Variants in MRAS observed in about 807,000 individuals in gnomAD.
MRAS encodes muscle RAS oncogene homolog, also known as ras-related protein M-Ras.
A neutral mutation model predicts 20.9 loss-of-function variants in MRAS; 4 were observed. That is an observed-to-expected ratio of 0.19 (90% confidence interval 0.09 to 0.44). The LOEUF is 0.44. Among genes scored for constraint, MRAS ranks in the 20% least tolerant of loss-of-function variants. The pLI is 0.99. For missense variants in MRAS, 154 were observed against 277.5 expected, an observed-to-expected ratio of 0.56 and a Z score of 3.16; for synonymous variants, 98 against 102.9, an observed-to-expected ratio of 0.95 and a Z score of 0.29.
intron 4 of MRAS, 33 bp downstream of exon 4, chr3:138,398,601 G>A (rs1448261097): frequency 8.8e-6 from 14 of 1,595,874 alleles, no homozygotes; most frequent in Non-Finnish European, 1.1e-5. Context: ...AGGGGGTCAG[G>A]AGATGTGTAA....
rs374084868 is a variant in MRAS at position 138,380,778 on chromosome 3, C to CT, written c.193+7712dup. On this transcript the variant is annotated intron_variant, in intron 2 of 5. Coordinates refer to ENST00000423968, the MANE Select transcript of MRAS (RefSeq NM_001085049.3). The stretch of plus-strand genomic sequence containing the variant: ...TTCTGAATTTCTTTCCTTTTTTTTT[C>CT]TTTTTTTTTTGAGACGGTGTCTCGC... Among the ~76,000 whole-genome samples, 1,411 of 145,630 alleles carry CT rather than the reference C, an allele frequency of 9.7e-3. 15 individuals carry two copies. Among genetic ancestry groups the CT allele is most frequent in the African/African-American group, 0.034 (1,336 of 39,634 alleles).
In MRAS at chr3:138,353,962, A is replaced by G. The variant is rs555787919; in HGVS notation, c.-19+5195A>G. On this transcript the variant is annotated intron_variant, in intron 1 of 5. Coordinates refer to ENST00000423968, the MANE Select transcript of MRAS (RefSeq NM_001085049.3). ...TCCGTTAGACCGTGCTGTTCCCAGCACTGGGTGACCAAAAATGTCATGATC... is the reference window on the plus strand; with the variant it reads ...TCCGTTAGACCGTGCTGTTCCCAGCGCTGGGTGACCAAAAATGTCATGATC... Among the ~76,000 whole-genome samples the G allele has an allele frequency of 1.2e-4, 18 of 152,294 alleles. No homozygotes were observed. In the East Asian group the frequency reaches 3.3e-3, roughly 28 times the overall value.
intron 2 of MRAS, among the ~76,000 whole-genome samples, chr3:138,383,779 A>G (rs1372822128): frequency 1.3e-5 from 2 of 152,208 alleles, no homozygotes; most frequent in Non-Finnish European, 2.9e-5. Flanking sequence ...CCCTGCTCTC[A>G]TGAAGCTTAT....
chr3:138,355,222 A>G (rs1228341120), intron 1 of MRAS, among the ~76,000 whole-genome samples: 1 of 152,184 alleles, frequency 6.6e-6, no homozygotes, highest in Non-Finnish European at 1.5e-5. Flanking sequence ...GGTGCCTGGT[A>G]CTGGGTCCTT....
intron 1 of MRAS, among the ~76,000 whole-genome samples, chr3:138,359,872 G>A (rs1355530410): frequency 6.6e-6 from 1 of 152,238 alleles, no homozygotes; most frequent in Non-Finnish European, 1.5e-5. Flanking sequence ...GGTACAGAGT[G>A]TTGATTTATT....
rs932331393 is a variant in MRAS, at chr3:138,350,934, C to G, written c.-19+2167C>G. ...CTCCAGCTTGGGTGACAGAGCAAGACCCTGTCTCAAAAAAAAAAAAAAAAA... is the reference window on the plus strand; with the variant it reads ...CTCCAGCTTGGGTGACAGAGCAAGAGCCTGTCTCAAAAAAAAAAAAAAAAA... On this transcript the variant is annotated intron_variant, in intron 1 of 5. Transcript: ENST00000423968. 1.7e-4 allele frequency among the ~76,000 whole-genome samples: 24 copies of G among 141,728 alleles called. No homozygotes were observed. The South Asian group carries it at 4.8e-3, about 28-fold the overall frequency. The allele number at this position is 141,728 out of a possible 152,430, so 93.0% of individuals were successfully genotyped here. A position where few individuals can be genotyped will look rare whatever the true frequency, so the allele number is the denominator to read the frequency against.
Position 138,392,668 on chromosome 3 carries a change from T to A in MRAS, c.194-4656T>A, listed in dbSNP as rs543398642. 3.9e-5 allele frequency among the ~76,000 whole-genome samples: 6 copies of A among 152,340 alleles called. No individual in the cohort carries two copies. In the South Asian group the frequency reaches 1.2e-3, roughly 32 times the overall value. On this transcript the variant is annotated intron_variant, in intron 2 of 5. Coordinates refer to ENST00000423968, the MANE Select transcript of MRAS (RefSeq NM_001085049.3). ...GTTTTGTAGATGCATTTCTTTTCTTTTGGTTACCATGTGGCTGGCATGTTC... is the reference window on the plus strand; with the variant it reads ...GTTTTGTAGATGCATTTCTTTTCTTATGGTTACCATGTGGCTGGCATGTTC...
intron 2 of MRAS, among the ~76,000 whole-genome samples, chr3:138,390,138 A>G (rs1054137263): frequency 6.6e-6 from 1 of 151,456 alleles, no homozygotes; most frequent in Admixed American, 6.6e-5. Flanking sequence ...TGACTATTAC[A>G]TCAGAGCCCC....
Position 138,372,819 on chromosome 3 carries a change from A to G in MRAS, c.-18-47A>G, listed in dbSNP as rs937459003. 4.5e-6 allele frequency: 6 copies of G among 1,319,856 alleles called. No individual in the cohort carries two copies. The African/African-American group carries it at 4.7e-5, about 10-fold the overall frequency. The allele number at this position is 1,319,856 out of a possible 1,614,324, so 81.8% of individuals were successfully genotyped here. On this transcript the variant is annotated intron_variant, in intron 1 of 5. Coordinates refer to ENST00000423968, the MANE Select transcript of MRAS (RefSeq NM_001085049.3). ...GGAAAACATATGAATATTTTCCCCT[A>G]AGTTAAAAAAGCCCTCTGTCTCATT...
intron 1 of MRAS, among the ~76,000 whole-genome samples, chr3:138,372,491 A>G (rs1052300529): frequency 6.6e-6 from 1 of 152,174 alleles, no homozygotes; most frequent in Non-Finnish European, 1.5e-5. Context: ...GATGTGAAAG[A>G]TGAACCTCCA....
chr3:138,386,029 T>C (rs2055005695), intron 2 of MRAS, among the ~76,000 whole-genome samples: 1 of 152,120 alleles, frequency 6.6e-6, no homozygotes, highest in South Asian at 2.1e-4. Context: ...AACATGTGTT[T>C]TACAGGGAGG....
At chr3:138,389,436 C>T (rs536747028) in intron 2 of MRAS, among the ~76,000 whole-genome samples, 5 of 150,618 alleles carry the variant, frequency 3.3e-5, no homozygotes, top group African/African-American at 9.8e-5. Context: ...AGAGGCTGGG[C>T]GCTCTTGTGA....
At chr3:138,362,440 C>T (rs1247218482) in intron 1 of MRAS, among the ~76,000 whole-genome samples, 3 of 152,176 alleles carry the variant, frequency 2.0e-5, no homozygotes, top group Non-Finnish European at 2.9e-5. Context: ...TTACCTGTTC[C>T]TCCGTGACCC....
chr3:138,392,169 A>T (rs904188661), intron 2 of MRAS, among the ~76,000 whole-genome samples: 1 of 152,170 alleles, frequency 6.6e-6, no homozygotes, highest in Non-Finnish European at 1.5e-5. Flanking sequence ...ATGCTTGTTC[A>T]CTATTGGAAT....
intron 1 of MRAS, among the ~76,000 whole-genome samples, chr3:138,356,326 G>A (rs1233203999): frequency 6.6e-6 from 1 of 152,164 alleles, no homozygotes; most frequent in African/African-American, 2.4e-5. Context: ...CACCCCTTTA[G>A]GAGCTGACCA....
chr3:138,399,040 CAG>C (rs2055303443), intron 4 of MRAS, among the ~76,000 whole-genome samples: 1 of 152,236 alleles, frequency 6.6e-6, no homozygotes, highest in Non-Finnish European at 1.5e-5. Context: ...GGCCGCTTAT[CAG>C]GGGCATCTGC....
chr3:138,394,083 AT>A (rs879506449), intron 2 of MRAS, among the ~76,000 whole-genome samples: 376 of 141,934 alleles, frequency 2.6e-3, no homozygotes, highest in Middle Eastern at 0.011. Context: ...TCTGAGTCGA[AT>A]TTTTTTTTTT....
At chr3:138,389,896 G>C (rs1317864480) in intron 2 of MRAS, among the ~76,000 whole-genome samples, 2 of 151,304 alleles carry the variant, frequency 1.3e-5, no homozygotes, top group Non-Finnish European at 2.9e-5. Context: ...GCCACTGTCG[G>C]AGCCCCTGGA....
intron 2 of MRAS, among the ~76,000 whole-genome samples, chr3:138,376,680 C>G (rs1246890737): frequency 6.6e-6 from 1 of 152,130 alleles, no homozygotes; most frequent in African/African-American, 2.4e-5. Context: ...CATGCATCAC[C>G]TATTGGAATA....
Sources: allele counts gnomAD v4.1 joint callset (sites outside exome capture counted in the v4.1 genomes callset), GRCh38; gene constraint gnomAD v4.1.1; transcripts MANE v1.5; gene names NCBI Gene and HGNC (gene_info 2026-07-23, HGNC 2026-07-21).